Variants in ENTHD1 observed in about 807,000 individuals in gnomAD.
ENTHD1 encodes ENTH domain-containing protein 1.
ENTHD1 carries 23 observed loss-of-function variants against 39.1 expected under a neutral mutation model. The ratio of observed to expected loss-of-function variants is 0.59; its 90% CI spans 0.42 to 0.83. ENTHD1 has a LOEUF of 0.83. Ranked by LOEUF, ENTHD1 falls within the 40% of genes least tolerant of loss-of-function variation. The probability of loss-of-function intolerance (pLI) is 0.00; values close to 1 mark genes in which losing one functional copy is unlikely to be tolerated. For missense variants in ENTHD1, 624 were observed against 705.4 expected (o/e 0.88, Z 1.31); for synonymous variants, 230 against 258.2 (o/e 0.89, Z 1.05).
intron 5 of ENTHD1, among the ~76,000 whole-genome samples, chr22:39,780,938 G>T (rs2065404692): frequency 6.6e-6 from 1 of 151,606 alleles, no homozygotes; most frequent in Non-Finnish European, 1.5e-5. Context: ...GGGGGAGCTT[G>T]CAGTGAGCCG....
intron 4 of ENTHD1, among the ~76,000 whole-genome samples, chr22:39,826,850 A>T (rs2065830203): frequency 7.3e-6 from 1 of 137,414 alleles, no homozygotes; most frequent in South Asian, 2.3e-4. Context: ...ATAGTCTGTT[A>T]AAAAAAAAAA....
At chr22:39,861,710 T>A (rs775522734) in intron 3 of ENTHD1, 55 bp downstream of exon 3, 1 of 1,318,828 alleles carries the variant, frequency 7.6e-7, no homozygotes, top group Non-Finnish European at 9.9e-7. Context: ...TTTATATTTT[T>A]AAATCATTTT....
chr22:39,885,691 C>T (rs137950), intron 2 of ENTHD1, among the ~76,000 whole-genome samples: 41,498 of 152,118 alleles, frequency 0.27, 7,664 homozygotes, highest in African/African-American at 0.53. Context: ...AACATGACAA[C>T]GCTGAGGACA....
chr22:39,749,897 CT>C (rs1432725691), intron 6 of ENTHD1, among the ~76,000 whole-genome samples: 17 of 152,208 alleles, frequency 1.1e-4, no homozygotes, highest in African/African-American at 4.1e-4. Context: ...TCGTTACTGC[CT>C]GTGGCCTGCA....
At chr22:39,832,430 CA>C (rs548002344) in intron 4 of ENTHD1, among the ~76,000 whole-genome samples, 17 of 151,324 alleles carry the variant, frequency 1.1e-4, no homozygotes, top group African/African-American at 3.9e-4. Flanking sequence ...AGATATGAAA[CA>C]AAAAAAAGTT....
chr22:39,830,671 T>C (rs556726569), intron 4 of ENTHD1, among the ~76,000 whole-genome samples: 1 of 152,338 alleles, frequency 6.6e-6, no homozygotes, highest in African/African-American at 2.4e-5. Flanking sequence ...ATTCATTCAT[T>C]TCTTCAGTTG....
chr22:39,751,109 A>G lies in ENTHD1; in HGVS notation c.1220-6826T>C, dbSNP rs76272935. ...ATGTCTTTAACGTCTCATGCACTTA[A>G]GCAGAAATTTGCATTTCAAAAAGAT... On this transcript the variant is annotated intron_variant, in intron 6 of 6. Transcript: ENST00000325157. The G allele has an allele frequency of 4.6e-3, 709 of 153,794 alleles. 5 individuals are homozygous for G. Among genetic ancestry groups the G allele is most frequent in the Non-Finnish European group, 6.1e-3 (415 of 68,272 alleles). The allele number at this position is 153,794 out of a possible 1,614,324, so 9.5% of individuals were successfully genotyped here.
chr22:39,774,438 G>T (rs1027157008), intron 5 of ENTHD1, among the ~76,000 whole-genome samples: 1 of 152,066 alleles, frequency 6.6e-6, no homozygotes, highest in Non-Finnish European at 1.5e-5. Context: ...GTTCAGGGAG[G>T]TCTTATCATC....
At chr22:39,842,136 GT>G (rs2065949041) in intron 3 of ENTHD1, among the ~76,000 whole-genome samples, 1 of 151,438 alleles carries the variant, frequency 6.6e-6, no homozygotes, top group Admixed American at 6.6e-5. Context: ...CCCTTTGAGG[GT>G]AACCCAACCT....
At chr22:39,799,430 T>C (rs1443681481) in intron 5 of ENTHD1, among the ~76,000 whole-genome samples, 1 of 152,132 alleles carries the variant, frequency 6.6e-6, no homozygotes, top group Non-Finnish European at 1.5e-5. Flanking sequence ...TCAGCTAAAA[T>C]CCAGGTTCTT....
intron 5 of ENTHD1, among the ~76,000 whole-genome samples, chr22:39,771,772 A>C (rs973032512): frequency 6.6e-6 from 1 of 152,180 alleles, no homozygotes; most frequent in African/African-American, 2.4e-5. Flanking sequence ...GGCAAAATCA[A>C]AACATTGTAA....
chr22:39,770,504 C>T (rs2065312956), intron 5 of ENTHD1, among the ~76,000 whole-genome samples: 3 of 152,144 alleles, frequency 2.0e-5, no homozygotes, highest in Admixed American at 1.3e-4. Flanking sequence ...GTCACCACCC[C>T]ACAGAGCCCC....
chr22:39,888,002 C>A, intron 1 of ENTHD1, 99 bp from the exon 2 acceptor site: 1 of 373,544 alleles, frequency 2.7e-6, no homozygotes, highest in Non-Finnish European at 4.8e-6. Flanking sequence ...TAAATCAGCC[C>A]CTCACTTACA....
At position 39,867,444 on chromosome 22, in the gene ENTHD1, A is replaced by G. The variant is rs2066193572; in HGVS notation, c.350-5437T>C. On this transcript the variant is annotated intron_variant, in intron 2 of 6. Transcript: ENST00000325157. This position sits in a 1 kb window ranked among gnomAD's most constrained non-coding sequence, Gnocchi z 4.5. ...CCATATTCCTTTCTCGGTGACTTTT[A>G]TCTCTACTCTAAGTTAGAAATATGA... Among the ~76,000 whole-genome samples, 1 of 151,874 alleles carries G rather than the reference A, an allele frequency of 6.6e-6. No homozygotes were observed. The highest frequency in any genetic ancestry group is 2.4e-5 in the African/African-American group (1 of 41,342).
intron 5 of ENTHD1, among the ~76,000 whole-genome samples, chr22:39,799,494 C>T (rs756666642): frequency 1.3e-4 from 20 of 151,908 alleles, no homozygotes; most frequent in African/African-American, 3.9e-4. Context: ...GTGAGGAGGG[C>T]GGAATTTATT....
chr22:39,756,318 A>T (rs722172), intron 6 of ENTHD1, among the ~76,000 whole-genome samples: 2,051 of 122,196 alleles, frequency 0.017, 10 homozygotes, highest in East Asian at 0.021. Context: ...TCTCTCTCTC[A>T]CACACACACA....
intron 5 of ENTHD1, among the ~76,000 whole-genome samples, chr22:39,781,322 A>C (rs1253010627): frequency 6.6e-6 from 1 of 152,176 alleles, no homozygotes; most frequent in Non-Finnish European, 1.5e-5. Context: ...TTTGGACCAC[A>C]ATGGACTGCA....
chr22:39,816,909 A>G (rs1173520383), intron 5 of ENTHD1, among the ~76,000 whole-genome samples: 5 of 151,930 alleles, frequency 3.3e-5, no homozygotes, highest in Non-Finnish European at 7.4e-5. Context: ...GTATATATCT[A>G]TAGATATATA....
At chr22:39,766,019 C>CAAAAAAAAAAAAAAAA (rs11367784) in intron 5 of ENTHD1, among the ~76,000 whole-genome samples, 112 of 48,376 alleles carry the variant, frequency 2.3e-3, no homozygotes, top group Non-Finnish European at 2.5e-3. Context: ...CCCTCAGCTA[C>CAAAAAAAAAAAAAAAA]AAAAAAAAAA....
Sources: gnomAD v4.1 joint callset for allele counts (sites outside exome capture counted in the v4.1 genomes callset) on GRCh38, gnomAD v4.1.1 for gene constraint, Gnocchi (gnomAD v3.1) non-coding constraint, MANE v1.5 for transcripts, NCBI Gene and HGNC (gene_info 2026-07-23, HGNC 2026-07-21) for gene names.